Variants in WDR81 observed in about 807,000 individuals in gnomAD.
The protein encoded by WDR81 is WD repeat domain 81, also known as WD repeat-containing protein 81.
Under a neutral mutation model 140.8 loss-of-function variants are expected in WDR81, and 92 were observed. The ratio of observed to expected loss-of-function variants is 0.65; its 90% confidence interval spans 0.55 to 0.78. The LOEUF is 0.78. WDR81 is among the 30% of genes least tolerant of loss of function. WDR81 has a pLI of 0.00. For synonymous variants in WDR81, 1,183 were observed against 1,156.4 expected (o/e 1.02, Z -0.47); for missense variants, 2,502 against 2,636.4 (o/e 0.95, Z 1.12).
upstream of WDR81, among the ~76,000 whole-genome samples, chr17:1,720,718 T>C (rs1319750284): frequency 2.0e-5 from 3 of 149,036 alleles, no homozygotes; most frequent in African/African-American, 5.0e-5. Flanking sequence ...TGAGCCGAGA[T>C]CGTGCCACAG....
intron 1 of WDR81, among the ~76,000 whole-genome samples, chr17:1,718,036 A>C (rs1160284736): frequency 6.6e-6 from 1 of 151,976 alleles, no homozygotes; most frequent in Non-Finnish European, 1.5e-5. Flanking sequence ...TTCCTACTCA[A>C]GTTGCCCTAT....
In WDR81 at chr17:1,728,155, G is replaced by A. The variant is rs1915425719; in HGVS notation, c.3196G>A (p.Asp1066Asn). Reference sequence around the variant, plus strand: ...TGCCTCCTCGGGCCTGGGGCTCCCAGACTACACGTCTGGCGTCAGCTTCCA... The same window carrying A: ...TGCCTCCTCGGGCCTGGGGCTCCCAAACTACACGTCTGGCGTCAGCTTCCA... ...PPASSGLGLP[D>N]YTSGVSFHDQ... is the part of the protein sequence containing the mutation. Residue 1066 changes from aspartate to asparagine, a missense_variant, in exon 1 of 10, where the codon GAC becomes AAC. Physicochemically the swap from Asp to Asn is conservative, Grantham distance 23 (BLOSUM62 1). Transcript: ENST00000409644. 1.2e-6 allele frequency: 2 copies of A among 1,606,830 alleles called. No homozygotes were observed. Among genetic ancestry groups the A allele is most frequent in the South Asian group, 1.1e-5 (1 of 90,894 alleles).
At position 1,735,537 on chromosome 17, in the gene WDR81, T is replaced by C. The variant is rs1443145845; in HGVS notation, c.5180-35T>C. The C allele has an allele frequency of 1.3e-6, 2 of 1,553,774 alleles. No homozygotes were observed. Among genetic ancestry groups the C allele is most frequent in the Admixed American group, 1.8e-5 (1 of 54,468 alleles). On this transcript the variant is annotated intron_variant, in intron 7 of 9. Transcript: ENST00000409644. This position sits in a 1 kb window ranked among gnomAD's most constrained non-coding sequence, Gnocchi z 4.2. ...CTCCCAGGGCTCTTCCGTCAGCTGC[T>C]GGGACCCCAGATCCACTGTGACTTT... is the stretch of plus-strand genomic sequence containing the variant.
In WDR81 at chr17:1,725,776, G is replaced by T. The variant is rs201695196; in HGVS notation, c.817G>T (p.Ala273Ser). 7 of 1,550,644 alleles carry T rather than the reference G, an allele frequency of 4.5e-6. No homozygotes were observed. Among genetic ancestry groups the T allele is most frequent in the Non-Finnish European group, 6.1e-6 (7 of 1,147,016 alleles). The change falls in exon 1 of 10, where the codon GCC becomes TCC. Residue 273 changes from alanine to serine, a missense_variant. By Grantham distance (99) the Ala-to-Ser change is moderately conservative. Coordinates refer to ENST00000409644, the MANE Select transcript of WDR81 (RefSeq NM_001163809.2). ...CTTCCGCGTGCTGAGGGCTATGGAC[G>T]CCTGTCACCGCCAGGGGCTGGCGTG... ...ILFRVLRAMD[A>S]CHRQGLACGA... is the part of the protein sequence containing the mutation.
upstream of WDR81, chr17:1,716,529 G>C (rs769497775): frequency 1.9e-6 from 3 of 1,544,634 alleles, no homozygotes; most frequent in South Asian, 2.4e-5. Flanking sequence ...CGTCAAACGA[G>C]AGTCCTAAAG....
chr17:1,725,785 C>A lies in WDR81; in HGVS notation c.826C>A (p.Arg276Ser), dbSNP rs886540540. ...GCTGAGGGCTATGGACGCCTGTCAC[C>A]GCCAGGGGCTGGCGTGTGGGGCCCT... is the stretch of plus-strand genomic sequence containing the variant. ...RVLRAMDACH[R>S]QGLACGALSL... is the part of the protein sequence containing the mutation. Residue 276 changes from arginine (R) to serine (S), a missense_variant, in exon 1 of 10, where the codon CGC becomes AGC. Arg to Ser is a moderately radical substitution (Grantham distance 110). Coordinates refer to ENST00000409644, the MANE Select transcript of WDR81 (RefSeq NM_001163809.2). 1 of 1,550,650 alleles carries A rather than the reference C, an allele frequency of 6.4e-7. No individual in the cohort carries two copies.
intron 4 of WDR81, among the ~76,000 whole-genome samples, chr17:1,731,758 C>T (rs1316584129): frequency 1.3e-5 from 2 of 151,062 alleles, no homozygotes; most frequent in Non-Finnish European, 2.9e-5. Flanking sequence ...AAAATCTTCG[C>T]TGGGCATGGC....
upstream of WDR81, among the ~76,000 whole-genome samples, chr17:1,721,913 C>T (rs1457121040): frequency 9.9e-5 from 15 of 152,024 alleles, no homozygotes; most frequent in South Asian, 2.1e-4. Context: ...CACCTGAGGT[C>T]GGGAGTTTGA....
At chr17:1,724,418 T>C (rs1284922947), upstream of WDR81, 2 of 941,644 alleles carry the variant, frequency 2.1e-6, no homozygotes, top group Non-Finnish European at 2.5e-6. Context: ...GGTCCGCACT[T>C]AACTAAGAGG....
In WDR81 at chr17:1,727,556, C is replaced by T. The variant is rs1351232476; in HGVS notation, c.2597C>T (p.Pro866Leu). Reference protein sequence around the residue: ...PPPCPSQLLSPFSSVVPFPPY... With the variant: ...PPPCPSQLLSLFSSVVPFPPY... ...CCCTGCCCAAGCCAGCTTCTCAGCC[C>T]CTTCAGCTCCGTGGTTCCCTTCCCA... Residue 866 changes from proline (P) to leucine (L), a missense_variant, in exon 1 of 10, where the codon CCC becomes CTC. Coordinates refer to ENST00000409644, the MANE Select transcript of WDR81 (RefSeq NM_001163809.2). The T allele has an allele frequency of 1.3e-6, 2 of 1,550,472 alleles. No homozygotes were observed.
rs1567717811 is a variant in WDR81 at position 1,725,444 on chromosome 17, A to G, written c.485A>G (p.Tyr162Cys). The change falls in exon 1 of 10, where the codon TAC (tyrosine) becomes TGC (cysteine). Residue 162 changes from tyrosine to cysteine, a missense_variant. This residue lies in a region of WDR81 where 547 missense variants were observed against 513.8 expected (regional missense o/e 1.06). Coordinates refer to ENST00000409644, the MANE Select transcript of WDR81 (RefSeq NM_001163809.2). ...GCATACCACACTTACGGCCAGCCGT[A>G]CAGTCACAGCCCTGCCCCCTCAGCT... ...RHAYHTYGQP[Y>C]SHSPAPSAVP... The G allele has an allele frequency of 2.6e-6, 4 of 1,549,396 alleles. No individual in the cohort carries two copies. The highest frequency in any genetic ancestry group is 2.4e-5 in the East Asian group (1 of 40,940).
chr17:1,718,365 G>A (rs373254841), intron 1 of WDR81, among the ~76,000 whole-genome samples: 2 of 152,154 alleles, frequency 1.3e-5, no homozygotes, highest in Non-Finnish European at 2.9e-5. Flanking sequence ...TGATCCACCC[G>A]CCTCGGTCTC....
Position 1,728,377 on chromosome 17 carries a change from G to A in WDR81, c.3418G>A (p.Gly1140Ser), listed in dbSNP as rs774710184. The A allele has an allele frequency of 1.2e-6, 2 of 1,613,000 alleles. No individual in the cohort carries two copies. The highest frequency in any genetic ancestry group is 1.1e-5 in the South Asian group (1 of 91,066). The change falls in exon 1 of 10, where the codon GGT (glycine) becomes AGT (serine). Residue 1140 changes from glycine to serine, a missense_variant. By Grantham distance (56) the Gly-to-Ser change is moderately conservative. Around this residue, in one of 3 missense-constraint regions of WDR81, gnomAD observed 1,737 missense variants for 1,843.0 expected, o/e 0.94. Coordinates refer to ENST00000409644, the MANE Select transcript of WDR81 (RefSeq NM_001163809.2). ...APVDKSSLRS[G>S]DSSQDLKQSE... The stretch of plus-strand genomic sequence containing the variant: ...CGTGGACAAGAGCAGCCTTCGATCA[G>A]GTGACAGCAGCCAGGACTTGAAGCA...
Position 1,732,419 on chromosome 17 carries a change from C to T in WDR81, c.4252C>T (p.Gln1418Ter). ...CCTGCGCATTGGACAGGAGATGGTC[C>T]AGCAGCACCTGAGCGAGCCCGTGGC... is the stretch of plus-strand genomic sequence containing the variant. ...ICLRIGQEMV[Q>*]QHLSEPVATF... The change falls in exon 5 of 10, where the codon CAG (glutamine) becomes TAG (stop). Residue 1418 changes from glutamine to a stop codon, truncating the protein, a stop_gained. Coordinates refer to ENST00000409644, the MANE Select transcript of WDR81 (RefSeq NM_001163809.2). LOFTEE classifies it high-confidence loss of function. The T allele has an allele frequency of 6.2e-7, 1 of 1,613,662 alleles. No homozygotes were observed. Among genetic ancestry groups the T allele is most frequent in the South Asian group, 1.1e-5 (1 of 91,086 alleles).
At position 1,728,517 on chromosome 17, in the gene WDR81, G is replaced by A. The variant is rs368443890; in HGVS notation, c.3558G>A (p.Thr1186=). 2.4e-5 allele frequency: 38 copies of A among 1,576,970 alleles called. No homozygotes were observed. The Admixed American group carries it at 3.6e-4, about 15-fold the overall frequency. ...CATCTGAGCTCACTCTGTCTGACAC[G>A]GTGCTGTCCATGGAGACGGTTGTGG... The part of the protein sequence containing the change: ...TGASELTLSD[T]VLSMETVVAG... The change falls in exon 1 of 10, where the codon ACG becomes ACA. Residue 1186 remains threonine, a synonymous_variant. Coordinates refer to ENST00000409644, the MANE Select transcript of WDR81 (RefSeq NM_001163809.2).
chr17:1,725,851 G>A lies in WDR81; in HGVS notation c.892G>A (p.Glu298Lys). 6 of 1,550,696 alleles carry A rather than the reference G, an allele frequency of 3.9e-6. No individual in the cohort carries two copies. Among genetic ancestry groups the A allele is most frequent in the South Asian group, 1.2e-5 (1 of 84,066 alleles). Reference protein sequence around the residue: ...HIAVDEKLCSELRLDLSAYER... With the variant: ...HIAVDEKLCSKLRLDLSAYER... ...CGCAGTGGATGAGAAGCTTTGCAGCGAGCTGCGACTGGACCTGAGTGCTTA... is the reference window on the plus strand; with the variant it reads ...CGCAGTGGATGAGAAGCTTTGCAGCAAGCTGCGACTGGACCTGAGTGCTTA... Residue 298 changes from glutamate (E) to lysine (K), a missense_variant, in exon 1 of 10, where the codon GAG (glutamate) becomes AAG (lysine). Transcript: ENST00000409644.
chr17:1,733,509 T>G lies in WDR81; in HGVS notation c.4490-18T>G. On this transcript the variant is annotated intron_variant, in intron 6 of 9. Coordinates refer to ENST00000409644, the MANE Select transcript of WDR81 (RefSeq NM_001163809.2). ...CTGCCATCTTCCCTGTCTCAGGACC[T>G]CTCCCACTCCTATCCAGGTGACATC... The G allele has an allele frequency of 6.6e-7, 1 of 1,504,150 alleles. No individual in the cohort carries two copies. The highest frequency in any genetic ancestry group is 2.3e-5 in the East Asian group (1 of 43,060). The allele number at this position is 1,504,150 out of a possible 1,614,324, so 93.2% of individuals were successfully genotyped here.
upstream of WDR81, among the ~76,000 whole-genome samples, chr17:1,723,508 C>T (rs1057018508): frequency 2.6e-4 from 31 of 119,826 alleles, no homozygotes; most frequent in Admixed American, 8.9e-4. Context: ...TTCTTTTTGA[C>T]GGAGTCTCGC....
chr17:1,735,837 T>A lies in WDR81; in HGVS notation c.5325+120T>A, dbSNP rs1326599934. The A allele has an allele frequency of 7.0e-7, 1 of 1,422,136 alleles. No homozygotes were observed. Among genetic ancestry groups the A allele is most frequent in the African/African-American group, 1.4e-5 (1 of 69,470 alleles). 88.1% of individuals were successfully genotyped at this position (1,422,136 alleles called of 1,614,324 possible). A position where few individuals can be genotyped will look rare whatever the true frequency, so the allele number is the denominator to read the frequency against. ...TCTGGGGCCCTAGTTAGTTTCTCTT[T>A]GGTGCTAGATCACCCACAGCCACAC... On this transcript the variant is annotated intron_variant, in intron 8 of 9. Coordinates refer to ENST00000409644, the MANE Select transcript of WDR81 (RefSeq NM_001163809.2). The surrounding 1 kb of genome is among the most constrained non-coding windows in gnomAD (Gnocchi z 4.2).
Sources: gnomAD v4.1 joint callset for allele counts (sites outside exome capture counted in the v4.1 genomes callset) on GRCh38, gnomAD v4.1.1 for gene constraint, gnomAD v4.1.1 regional missense constraint, Gnocchi (gnomAD v3.1) non-coding constraint, MANE v1.5 for transcripts, NCBI Gene and HGNC (gene_info 2026-07-23, HGNC 2026-07-21) for gene names.